The following GPX4 variants were observed in gnomAD, a reference collection of about 807,000 sequenced individuals.
GPX4 encodes glutathione peroxidase 4.
GPX4 carries 28 observed loss-of-function variants against 27.8 expected under a neutral mutation model. The ratio of observed to expected loss-of-function variants is 1.01; its 90% confidence interval spans 0.75 to 1.38. The LOEUF (loss-of-function observed/expected upper bound fraction) is 1.38. GPX4 is among the 40% of genes most tolerant of loss of function. The probability of loss-of-function intolerance (pLI) is 0.00; values close to 1 mark genes in which losing one functional copy is unlikely to be tolerated. For missense variants in GPX4, 357 were observed against 274.1 expected, an observed-to-expected ratio of 1.30 and a Z score of -2.14; for synonymous variants, 163 against 107.8, an observed-to-expected ratio of 1.51 and a Z score of -3.17.
chr19:1,104,988 C>G, intron 1 of GPX4, 198 bp from the exon 2 acceptor site: 2 of 1,468,286 alleles, frequency 1.4e-6, no homozygotes, highest in Non-Finnish European at 1.8e-6. Flanking sequence ...GAACCCTCTC[C>G]CGGCCTCCGG....
chr19:1,106,257 C>T lies in GPX4; in HGVS notation c.492C>T (p.Asn164=), dbSNP rs1489674381. 6.2e-7 allele frequency: 1 copy of T among 1,604,914 alleles called. No homozygotes were observed. The highest frequency in any genetic ancestry group is 2.2e-5 in the East Asian group (1 of 44,724). ...KGILGNAIKW[N]FTKFLIDKNG... ...TCTTTTCCAGTGCCATCAAGTGGAA[C>T]TTCACCAAGGTAAGGGGGCTGTGGG... The change falls in exon 5 of 7, where the codon AAC becomes AAT. Residue 164 remains asparagine, a synonymous_variant. Transcript: ENST00000354171.
In GPX4 at chr19:1,105,439, G is replaced by A. The variant is rs376007177; in HGVS notation, c.253G>A (p.Asp85Asn). Reference protein sequence around the residue: ...KTEVNYTQLVDLHARYAECGL... With the variant: ...KTEVNYTQLVNLHARYAECGL... ...CGAAGTAAACTACACTCAGCTCGTCGACCTGCACGCCCGATACGCTGAGTG... is the reference window on the plus strand; with the variant it reads ...CGAAGTAAACTACACTCAGCTCGTCAACCTGCACGCCCGATACGCTGAGTG... Residue 85 changes from aspartate (D) to asparagine (N), a missense_variant, in exon 3 of 7, where the codon GAC (aspartate) becomes AAC (asparagine). Coordinates refer to ENST00000354171, the MANE Select transcript of GPX4 (RefSeq NM_002085.5). The A allele has an allele frequency of 3.1e-6, 5 of 1,612,606 alleles. No homozygotes were observed. The highest frequency in any genetic ancestry group is 3.4e-6 in the Non-Finnish European group (4 of 1,179,750).
At position 1,106,674 on chromosome 19, in the gene GPX4, C is replaced by T; in HGVS notation, c.*102C>T. The stretch of plus-strand genomic sequence containing the variant: ...CTGCAAACCTGCTGGTGGGGCAGAC[C>T]CGAAAATCCAGCGTGCACCCCGCCG... On this transcript the variant is annotated 3_prime_UTR_variant, in exon 7 of 7. Coordinates refer to ENST00000354171, the MANE Select transcript of GPX4 (RefSeq NM_002085.5). 6.6e-7 allele frequency: 1 copy of T among 1,518,944 alleles called. No homozygotes were observed. The highest frequency in any genetic ancestry group is 9.0e-7 in the Non-Finnish European group (1 of 1,114,906). 94.1% of individuals were successfully genotyped at this position (1,518,944 alleles called of 1,614,324 possible). A position where few individuals can be genotyped will look rare whatever the true frequency, so the allele number is the denominator to read the frequency against.
rs376929853 is a variant in GPX4 at position 1,105,270 on chromosome 19, G to A, written c.169G>A (p.Asp57Asn). The A allele has an allele frequency of 1.4e-5, 22 of 1,613,062 alleles. No individual in the cohort carries two copies. Among genetic ancestry groups the A allele is most frequent in the Non-Finnish European group, 1.8e-5 (21 of 1,179,902 alleles). The change falls in exon 2 of 7, where the codon GAC becomes AAC. Residue 57 changes from aspartate (D) to asparagine (N), a missense_variant. Physicochemically the swap from Asp to Asn is conservative, Grantham distance 23. Transcript: ENST00000354171. Reference sequence around the variant, plus strand: ...CATCGACGGGCACATGGTTAACCTGGACAAGTACCGGTGGGCGCTCGCCTG... The same window carrying A: ...CATCGACGGGCACATGGTTAACCTGAACAAGTACCGGTGGGCGCTCGCCTG... ...KDIDGHMVNL[D>N]KYRGFVCIVT...
At chr19:1,105,606 G>A (rs2079639900) in intron 3 of GPX4, 52 bp from the exon 4 acceptor site, 15 of 1,599,226 alleles carry the variant, frequency 9.4e-6, no homozygotes, top group South Asian at 2.2e-5. Flanking sequence ...CAGGGGGCCC[G>A]GACTGAGGGG....
In GPX4 at chr19:1,104,040, C is replaced by T. The variant is rs917166881; in HGVS notation, c.-4C>T. ...AGGAGCCGCTGGCTCCCAGCCCCGCCGCGATGAGCCTCGGCCGCCTTTGCC... is the reference window on the plus strand; with the variant it reads ...AGGAGCCGCTGGCTCCCAGCCCCGCTGCGATGAGCCTCGGCCGCCTTTGCC... On this transcript the variant is annotated 5_prime_UTR_variant, in exon 1 of 7. Transcript: ENST00000354171. 6.6e-7 allele frequency: 1 copy of T among 1,518,766 alleles called. No individual in the cohort carries two copies. The highest frequency in any genetic ancestry group is 2.6e-5 in the East Asian group (1 of 38,584). 94.1% of individuals were successfully genotyped at this position (1,518,766 alleles called of 1,614,324 possible).
chr19:1,104,960 T>C (rs775144873), intron 1 of GPX4: 3 of 1,480,766 alleles, frequency 2.0e-6, no homozygotes, highest in Non-Finnish European at 2.7e-6. Context: ...CCGGCTAATG[T>C]GGCACATTTT....
At chr19:1,104,835 C>A (rs758625205) in intron 1 of GPX4, 1 of 1,079,422 alleles carries the variant, frequency 9.3e-7, no homozygotes, top group Non-Finnish European at 1.1e-6. Context: ...AAGGCCCCAG[C>A]GTGCAGGCGC....
At chr19:1,105,924 G>A (rs1372392440) in intron 4 of GPX4, 115 bp downstream of exon 4, 32 of 1,273,000 alleles carry the variant, frequency 2.5e-5, no homozygotes, top group Non-Finnish European at 3.5e-5. Context: ...TTGCGGGGAG[G>A]TGCTGGGACT....
intron 3 of GPX4, 43 bp from the exon 4 acceptor site, chr19:1,105,615 G>T (rs1402282826): frequency 6.2e-7 from 1 of 1,600,958 alleles, no homozygotes; most frequent in Non-Finnish European, 8.5e-7. Flanking sequence ...CGGACTGAGG[G>T]GGTGCCAGCC....
chr19:1,105,931 G>A (rs1194089064), intron 4 of GPX4, 122 bp downstream of exon 4: 2 of 1,230,462 alleles, frequency 1.6e-6, no homozygotes, highest in Admixed American at 2.2e-5. Context: ...GAGGTGCTGG[G>A]ACTCTCACAT....
chr19:1,106,075 A>G lies in GPX4; in HGVS notation c.477-167A>G. ...CCTGTGGGGGGCTGTTGGGACTCTCACACTGCATGGCCTCCTGGGGTAAGA... is the reference window on the plus strand; with the variant it reads ...CCTGTGGGGGGCTGTTGGGACTCTCGCACTGCATGGCCTCCTGGGGTAAGA... On this transcript the variant is annotated intron_variant, in intron 4 of 6. Coordinates refer to ENST00000354171, the MANE Select transcript of GPX4 (RefSeq NM_002085.5). 7 of 574,994 alleles carry G rather than the reference A, an allele frequency of 1.2e-5. 1 individual carries two copies. Among genetic ancestry groups the G allele is most frequent in the South Asian group, 8.1e-5 (4 of 49,492 alleles). The allele number at this position is 574,994 out of a possible 1,614,324, so 35.6% of individuals were successfully genotyped here.
intron 3 of GPX4, 59 bp from the exon 4 acceptor site, chr19:1,105,599 G>A: frequency 6.2e-7 from 1 of 1,600,620 alleles, no homozygotes; most frequent in Non-Finnish European, 8.5e-7. Flanking sequence ...GAGTGTGCAG[G>A]GGGCCCGGAC....
intron 1 of GPX4, chr19:1,104,399 G>A: frequency 2.4e-6 from 1 of 423,898 alleles, no homozygotes; most frequent in Non-Finnish European, 4.0e-6. Flanking sequence ...GTCGGGGAAG[G>A]GGCCGTCCAG....
intron 1 of GPX4, 99 bp from the exon 2 acceptor site, chr19:1,105,087 G>T: frequency 6.6e-7 from 1 of 1,509,560 alleles, no homozygotes. Context: ...CAGGGCCTCG[G>T]TGTCCCCGCC....
intron 1 of GPX4, 37 bp downstream of exon 1, chr19:1,104,164 C>T: frequency 7.1e-7 from 1 of 1,403,458 alleles, no homozygotes; most frequent in Non-Finnish European, 9.2e-7. Flanking sequence ...GCCCGGTGAC[C>T]GTTGGGGCGG....
intron 1 of GPX4, 66 bp from the exon 2 acceptor site, chr19:1,105,120 C>T: frequency 6.3e-7 from 1 of 1,581,278 alleles, no homozygotes; most frequent in Non-Finnish European, 8.7e-7. Flanking sequence ...CCGATCCCTT[C>T]CTGCCTCAGG....
At chr19:1,106,195 T>C in intron 4 of GPX4, 47 bp from the exon 5 acceptor site, 1 of 1,526,652 alleles carries the variant, frequency 6.6e-7, no homozygotes, top group Non-Finnish European at 8.8e-7. Flanking sequence ...GCTTGGGGAC[T>C]GTGGGGGGCT....
Position 1,105,203 on chromosome 19 carries a change from C to G in GPX4, c.102C>G (p.Asp34Glu), listed in dbSNP as rs778370256. 1.2e-6 allele frequency: 2 copies of G among 1,613,048 alleles called. No homozygotes were observed. The highest frequency in any genetic ancestry group is 3.3e-5 in the Admixed American group (2 of 60,022). The stretch of plus-strand genomic sequence containing the variant: ...CCTTGCAGTGCGCGTCCCGGGACGA[C>G]TGGCGCTGTGCGCGCTCCATGCACG... ...LAGTMCASRD[D>E]WRCARSMHEF... Residue 34 changes from aspartate to glutamate, a missense_variant, in exon 2 of 7, where the codon GAC becomes GAG. Transcript: ENST00000354171.
Sources: allele counts gnomAD v4.1 joint callset, GRCh38; gene constraint gnomAD v4.1.1; transcripts MANE v1.5; gene names NCBI Gene and HGNC (gene_info 2026-07-23, HGNC 2026-07-21).